SLC47A1: variants seen among roughly 807,000 people sequenced by gnomAD.
SLC47A1 encodes the protein solute carrier family 47 member 1.
A neutral mutation model predicts 65.8 loss-of-function variants in SLC47A1; 58 were observed. The observed-to-expected ratio is 0.88, with a 90% CI of 0.71 to 1.10. The LOEUF is 1.10. Ranked by LOEUF, SLC47A1 falls within the 50% of genes least tolerant of loss-of-function variation. The pLI is 0.00. For synonymous variants in SLC47A1, 285 were observed against 295.0 expected, an observed-to-expected ratio of 0.97 and a Z score of 0.35; for missense variants, 706 against 719.2, an observed-to-expected ratio of 0.98 and a Z score of 0.21.
chr17:19,566,392 C>T (rs1468743188), intron 12 of SLC47A1, among the ~76,000 whole-genome samples: 2 of 152,128 alleles, frequency 1.3e-5, no homozygotes, highest in Non-Finnish European at 2.9e-5. Flanking sequence ...AGGCTGCTGG[C>T]CTCAATGCAT....
At chr17:19,575,744 G>A (rs934317052) in intron 16 of SLC47A1, among the ~76,000 whole-genome samples, 4 of 152,116 alleles carry the variant, frequency 2.6e-5, no homozygotes, top group Non-Finnish European at 5.9e-5. Flanking sequence ...AAGTCTAGGT[G>A]TGAATCATTA....
chr17:19,556,150 T>C lies in SLC47A1; in HGVS notation c.921+88T>C. 3 of 1,424,752 alleles carry C rather than the reference T, an allele frequency of 2.1e-6. No homozygotes were observed. In the South Asian group the frequency reaches 3.5e-5, roughly 17 times the overall value. The allele number at this position is 1,424,752 out of a possible 1,614,324, so 88.3% of individuals were successfully genotyped here. On this transcript the variant is annotated intron_variant, in intron 10 of 16. Transcript: ENST00000270570. ...GTCTATGGATGAGCACAGGCATTCG[T>C]ACATGAATCATTTGTGAAATGATGG...
In SLC47A1 at chr17:19,546,523, C is replaced by T. The variant is rs372978575; in HGVS notation, c.306+20C>T. The T allele has an allele frequency of 5.5e-5, 88 of 1,609,962 alleles. No homozygotes were observed. Among genetic ancestry groups the T allele is most frequent in the African/African-American group, 1.5e-4 (11 of 74,902 alleles). The stretch of plus-strand genomic sequence containing the variant: ...TCCCAGGTAAATGGAAGTGGTCACA[C>T]GCTCACAGTGACCTCAAACATCTTT... On this transcript the variant is annotated intron_variant, in intron 3 of 16. Transcript: ENST00000270570.
At position 19,554,724 on chromosome 17, in the gene SLC47A1, G is replaced by T. The variant is rs576287503; in HGVS notation, c.544-488G>T. On this transcript the variant is annotated intron_variant, in intron 6 of 16. Transcript: ENST00000270570. ...CTTTGAGACACCAAACAGTCTGGATGTTTCACCAGTCCTGTACTTTTGAAA... is the reference window on the plus strand; with the variant it reads ...CTTTGAGACACCAAACAGTCTGGATTTTTCACCAGTCCTGTACTTTTGAAA... 2.6e-5 allele frequency among the ~76,000 whole-genome samples: 4 copies of T among 152,294 alleles called. No individual in the cohort carries two copies. In the East Asian group the frequency reaches 7.7e-4, roughly 29 times the overall value.
At chr17:19,560,526 C>A (rs888580454) in intron 12 of SLC47A1, 33 bp downstream of exon 12, 1 of 1,603,570 alleles carries the variant, frequency 6.2e-7, no homozygotes, top group Non-Finnish European at 8.5e-7. Context: ...AATGTGAAAT[C>A]TGTGATAAAG....
intron 10 of SLC47A1, 113 bp from the exon 11 acceptor site, chr17:19,560,075 A>G (rs1769703915): frequency 2.7e-6 from 2 of 735,394 alleles, no homozygotes; most frequent in Non-Finnish European, 4.5e-6. Flanking sequence ...AGTCTTTTCA[A>G]AACTTTTAGG....
intron 3 of SLC47A1, among the ~76,000 whole-genome samples, chr17:19,546,737 A>G (rs1267950141): frequency 6.6e-6 from 1 of 152,112 alleles, no homozygotes; most frequent in Non-Finnish European, 1.5e-5. Flanking sequence ...CAAATAGGGG[A>G]CATTTTGTAA....
At chr17:19,542,365 G>A (rs529272683) in intron 1 of SLC47A1, 28 bp from the exon 2 acceptor site, 24 of 1,562,762 alleles carry the variant, frequency 1.5e-5, no homozygotes, top group East Asian at 2.3e-5. Flanking sequence ...GGTCACTCAC[G>A]TCCCTTCCCG....
chr17:19,573,073 T>C (rs959630692), intron 16 of SLC47A1, among the ~76,000 whole-genome samples: 24 of 152,350 alleles, frequency 1.6e-4, no homozygotes, highest in South Asian at 4.1e-4. Flanking sequence ...GACTGAAAGG[T>C]CCCCAGTTCC....
chr17:19,555,723 T>A, intron 8 of SLC47A1, 33 bp downstream of exon 8: 2 of 1,613,502 alleles, frequency 1.2e-6, no homozygotes, highest in Non-Finnish European at 1.7e-6. Flanking sequence ...CCAACTGGGA[T>A]GTGGGTTTTG....
chr17:19,565,577 CTT>C (rs11362429), intron 12 of SLC47A1, among the ~76,000 whole-genome samples: 626 of 95,502 alleles, frequency 6.6e-3, no homozygotes, highest in South Asian at 9.7e-3. Flanking sequence ...GTCTGAAAAT[CTT>C]TTTTTTTTTT....
chr17:19,544,434 T>C (rs2152312797), intron 2 of SLC47A1, among the ~76,000 whole-genome samples: 1 of 152,360 alleles, frequency 6.6e-6, no homozygotes, highest in South Asian at 2.1e-4. Context: ...GCTTCCAGGC[T>C]GGGTGCAGTT....
In SLC47A1 at chr17:19,578,328, C is replaced by A; in HGVS notation, c.*775C>A. ...TCAAGTGATCCTCCCACCTCAGCCT[C>A]CTGAGTAGCTGAGACCACAGGCGTG... On this transcript the variant is annotated 3_prime_UTR_variant, in exon 17 of 17. Coordinates refer to ENST00000270570, the MANE Select transcript of SLC47A1 (RefSeq NM_018242.3). The A allele has an allele frequency of 3.8e-6, 1 of 261,402 alleles. No homozygotes were observed. 16.2% of individuals were successfully genotyped at this position (261,402 alleles called of 1,614,324 possible).
chr17:19,556,234 C>T (rs996909559), intron 10 of SLC47A1, among the ~76,000 whole-genome samples, 172 bp downstream of exon 10: 1 of 152,226 alleles, frequency 6.6e-6, no homozygotes, highest in Admixed American at 6.5e-5. Flanking sequence ...GCTGGATCTT[C>T]CCTAGGAACT....
intron 5 of SLC47A1, among the ~76,000 whole-genome samples, chr17:19,550,819 C>T (rs995340792): frequency 6.6e-6 from 1 of 152,210 alleles, no homozygotes; most frequent in Non-Finnish European, 1.5e-5. Flanking sequence ...CGGCCACCCT[C>T]TGCAGGTTGT....
In SLC47A1 at chr17:19,548,068, C is replaced by T; in HGVS notation, c.390C>T (p.Cys130=). The part of the protein sequence containing the change: ...ALVLLLCCFP[C]WALFLNTQHI... ...TCCTGCTCCTCTGCTGCTTCCCCTG[C>T]TGGGCGCTCTTTCTCAACACCCAGC... The change falls in exon 4 of 17, where the codon TGC becomes TGT. Residue 130 remains cysteine, a synonymous_variant. Transcript: ENST00000270570. 7 of 1,614,130 alleles carry T rather than the reference C, an allele frequency of 4.3e-6. No homozygotes were observed. Among genetic ancestry groups the T allele is most frequent in the Non-Finnish European group, 5.9e-6 (7 of 1,180,034 alleles).
chr17:19,558,613 C>T (rs1331918829), intron 10 of SLC47A1, among the ~76,000 whole-genome samples: 1 of 152,082 alleles, frequency 6.6e-6, no homozygotes, highest in African/African-American at 2.4e-5. Context: ...CCACCACTCC[C>T]AGCTAATTTT....
At position 19,552,709 on chromosome 17, in the gene SLC47A1, G is replaced by T. The variant is rs1916486298; in HGVS notation, c.543+1241G>T. On this transcript the variant is annotated intron_variant, in intron 6 of 16. Coordinates refer to ENST00000270570, the MANE Select transcript of SLC47A1 (RefSeq NM_018242.3). ...TTGAACTTGGTTACAGAGGACACGT[G>T]GAGTTTCCAAGGTTGGGAAGGAAGG... 2.0e-5 allele frequency among the ~76,000 whole-genome samples: 3 copies of T among 152,162 alleles called. No homozygotes were observed. The South Asian group carries it at 6.2e-4, about 32-fold the overall frequency.
In SLC47A1 at chr17:19,577,520, G is replaced by A; in HGVS notation, c.1680G>A (p.Gly560=). 1.2e-6 allele frequency: 2 copies of A among 1,614,156 alleles called. No individual in the cohort carries two copies. Among genetic ancestry groups the A allele is most frequent in the Non-Finnish European group, 1.7e-6 (2 of 1,180,018 alleles). Residue 560 remains glycine (G), a synonymous_variant, in exon 17 of 17, where the codon GGG becomes GGA. Transcript: ENST00000270570. ...GGGTCTTCTTAATCTTGCTGGTGGG[G>A]ATTTTAGTGAGATTCTATGTCAGAA... ...LLGVFLILLV[G]ILVRFYVRIQ
Sources: gnomAD v4.1 joint callset for allele counts (sites outside exome capture counted in the v4.1 genomes callset) on GRCh38, gnomAD v4.1.1 for gene constraint, MANE v1.5 for transcripts, NCBI Gene and HGNC (gene_info 2026-07-23, HGNC 2026-07-21) for gene names.